The following KCNIP4 variants were observed in gnomAD, a reference collection of about 807,000 sequenced individuals.
KCNIP4 encodes the protein potassium voltage-gated channel interacting protein 4, also known as Kv channel-interacting protein 4.
A neutral mutation model predicts 34.0 loss-of-function variants in KCNIP4; 12 were observed. That is an observed-to-expected ratio of 0.35 (90% confidence interval 0.23 to 0.57). The LOEUF (loss-of-function observed/expected upper bound fraction) is 0.57. KCNIP4 is among the 20% of genes least tolerant of loss of function. The pLI is 0.83. For missense variants in KCNIP4, 238 were observed against 311.7 expected (o/e 0.76, Z 1.78); for synonymous variants, 124 against 102.2 (o/e 1.21, Z -1.29).
intron 1 of KCNIP4, among the ~76,000 whole-genome samples, chr4:21,391,074 G>A (rs1722515830): frequency 2.6e-5 from 4 of 152,066 alleles, no homozygotes; most frequent in Admixed American, 2.0e-4. Flanking sequence ...ATCATGTTGA[G>A]CATCTTTTCA....
At chr4:21,735,106 G>A (rs1323061484) in intron 1 of KCNIP4, among the ~76,000 whole-genome samples, 1 of 151,806 alleles carries the variant, frequency 6.6e-6, no homozygotes, top group Non-Finnish European at 1.5e-5. Flanking sequence ...CCTTTTCCTT[G>A]AGGAGCTCAT....
At chr4:21,753,771 C>T (rs573446372) in intron 1 of KCNIP4, among the ~76,000 whole-genome samples, 204 of 152,146 alleles carry the variant, frequency 1.3e-3, no homozygotes, top group Non-Finnish European at 2.6e-3. Flanking sequence ...ATTGAAGCAT[C>T]ATGCCTTTTG....
chr4:21,792,645 G>A (rs913318361), intron 1 of KCNIP4, among the ~76,000 whole-genome samples: 4 of 152,174 alleles, frequency 2.6e-5, no homozygotes, highest in African/African-American at 9.7e-5. Flanking sequence ...TGGTTTCACA[G>A]CTGGGCATTT....
At chr4:21,824,477 A>G (rs1164175145) in intron 1 of KCNIP4, among the ~76,000 whole-genome samples, 1 of 152,126 alleles carries the variant, frequency 6.6e-6, no homozygotes, top group African/African-American at 2.4e-5. Flanking sequence ...AGCTACTACC[A>G]ACCAGACCAG....
At chr4:21,124,057 C>CA (rs1294362645) in intron 1 of KCNIP4, among the ~76,000 whole-genome samples, 178 of 150,164 alleles carry the variant, frequency 1.2e-3, no homozygotes, top group African/African-American at 4.0e-3. Flanking sequence ...AAAAAAACAA[C>CA]AAAAAAAACC....
intron 1 of KCNIP4, among the ~76,000 whole-genome samples, chr4:21,012,651 G>A (rs1013572937): frequency 2.6e-5 from 4 of 152,198 alleles, no homozygotes; most frequent in Admixed American, 6.5e-5. Context: ...TTTGTATATC[G>A]ATCATTCTAT....
chr4:20,828,397 A>T (rs996444417), intron 3 of KCNIP4, among the ~76,000 whole-genome samples: 7 of 152,256 alleles, frequency 4.6e-5, no homozygotes, highest in Non-Finnish European at 8.8e-5. Context: ...ACTGCACTCC[A>T]GCCTGGCGAC....
At chr4:20,908,746 T>C (rs1393729850) in intron 1 of KCNIP4, among the ~76,000 whole-genome samples, 1 of 152,200 alleles carries the variant, frequency 6.6e-6, no homozygotes, top group Admixed American at 6.5e-5. Flanking sequence ...GAACTCGATA[T>C]AGAGTTGCAT....
intron 1 of KCNIP4, among the ~76,000 whole-genome samples, chr4:21,655,097 AG>A (rs1280872904): frequency 6.6e-6 from 1 of 152,164 alleles, no homozygotes; most frequent in Non-Finnish European, 1.5e-5. Context: ...CGAAAGACCC[AG>A]GGGCCTAATG....
intron 1 of KCNIP4, among the ~76,000 whole-genome samples, chr4:21,486,446 T>C (rs1308315332): frequency 6.6e-6 from 1 of 152,094 alleles, no homozygotes. Context: ...GTTTAGGTGG[T>C]TTTGGTGTAT....
At chr4:21,233,807 TATATA>T (rs1003180630) in intron 1 of KCNIP4, among the ~76,000 whole-genome samples, 48 of 144,320 alleles carry the variant, frequency 3.3e-4, no homozygotes, top group South Asian at 1.1e-3. Context: ...TATAATATAG[TATATA>T]ATATAATTAT....
intron 1 of KCNIP4, among the ~76,000 whole-genome samples, chr4:21,410,746 G>A (rs1276347757): frequency 6.6e-6 from 1 of 152,188 alleles, no homozygotes; most frequent in Non-Finnish European, 1.5e-5. Flanking sequence ...TTACTTTAAT[G>A]AGTTATGTGG....
intron 1 of KCNIP4, among the ~76,000 whole-genome samples, chr4:21,655,822 T>A (rs536245049): frequency 8.5e-5 from 13 of 152,302 alleles, no homozygotes; most frequent in Non-Finnish European, 1.9e-4. Context: ...ATGCATAAAT[T>A]TTTGCCCCAA....
chr4:21,277,557 A>C (rs896331806), intron 1 of KCNIP4, among the ~76,000 whole-genome samples: 2 of 152,212 alleles, frequency 1.3e-5, no homozygotes, highest in African/African-American at 4.8e-5. Flanking sequence ...GCAGATATAA[A>C]AAGGAGTTCA....
intron 1 of KCNIP4, among the ~76,000 whole-genome samples, chr4:20,926,024 G>A (rs1729867254): frequency 6.6e-6 from 1 of 152,128 alleles, no homozygotes; most frequent in Admixed American, 6.5e-5. Flanking sequence ...CCCAAGATTT[G>A]AGACTCCGAG....
intron 1 of KCNIP4, among the ~76,000 whole-genome samples, chr4:21,141,209 G>T (rs577935462): frequency 1.3e-5 from 2 of 152,298 alleles, no homozygotes; most frequent in South Asian, 2.1e-4. Flanking sequence ...ACAGAGACAT[G>T]AAGTGAGTAC....
At chr4:21,097,700 C>T (rs929082625) in intron 1 of KCNIP4, among the ~76,000 whole-genome samples, 2 of 152,074 alleles carry the variant, frequency 1.3e-5, no homozygotes, top group Non-Finnish European at 2.9e-5. Context: ...ACAGACCAGA[C>T]ATTCTCCATC....
At chr4:21,419,141 T>A (rs941869211) in intron 1 of KCNIP4, among the ~76,000 whole-genome samples, 2 of 152,220 alleles carry the variant, frequency 1.3e-5, no homozygotes, top group Admixed American at 6.5e-5. Context: ...TGCCATATTA[T>A]ATTTTCCTGT....
intron 1 of KCNIP4, among the ~76,000 whole-genome samples, chr4:21,457,306 G>C (rs754721266): frequency 6.6e-6 from 1 of 151,952 alleles, no homozygotes; most frequent in Admixed American, 6.6e-5. Context: ...CCTTGTTGGC[G>C]GCTTGCTGGC....
Sources: allele counts gnomAD v4.1 joint callset (sites outside exome capture counted in the v4.1 genomes callset), GRCh38; gene constraint gnomAD v4.1.1; transcripts MANE v1.5; gene names NCBI Gene and HGNC (gene_info 2026-07-23, HGNC 2026-07-21).